NPR3: variants seen among roughly 807,000 people sequenced by gnomAD.
NPR3 encodes the protein natriuretic peptide receptor 3.
A neutral mutation model predicts 54.5 loss-of-function variants in NPR3; 34 were observed. The ratio of observed to expected loss-of-function variants is 0.62; its 90% confidence interval spans 0.47 to 0.83. NPR3 has a LOEUF of 0.83. NPR3 is among the 40% of genes least tolerant of loss of function. The probability of loss-of-function intolerance (pLI) is 0.00; values close to 1 mark genes in which losing one functional copy is unlikely to be tolerated. For missense variants in NPR3, 674 were observed against 720.8 expected (o/e 0.94, Z 0.74); for synonymous variants, 289 against 297.1 (o/e 0.97, Z 0.28).
In NPR3 at chr5:32,789,722, G is replaced by T. The variant is rs774454909; in HGVS notation, c.*3377G>T. ...TAGTTATGGCTGATTTTGGGTGTGT[G>T]TGTGTAAGACATGCAGTCAACAATG... On this transcript the variant is annotated 3_prime_UTR_variant, in exon 8 of 8. Coordinates refer to ENST00000265074, the MANE Select transcript of NPR3 (RefSeq NM_001204375.2). 1.9e-6 allele frequency: 1 copy of T among 534,688 alleles called. No homozygotes were observed. The highest frequency in any genetic ancestry group is 3.8e-6 in the Non-Finnish European group (1 of 260,082). The allele number at this position is 534,688 out of a possible 1,614,324, so 33.1% of individuals were successfully genotyped here.
chr5:32,763,306 A>T (rs897201430), intron 3 of NPR3, among the ~76,000 whole-genome samples: 1 of 151,406 alleles, frequency 6.6e-6, no homozygotes, highest in Non-Finnish European at 1.5e-5. Flanking sequence ...TTTATTTTTT[A>T]TTTATATTTA....
chr5:32,693,666 A>G (rs1348810124), intron 1 of NPR3, among the ~76,000 whole-genome samples: 2 of 152,372 alleles, frequency 1.3e-5, no homozygotes, highest in Non-Finnish European at 2.9e-5. Context: ...GCCACATCAC[A>G]TCCTCAAACA....
intron 1 of NPR3, 48 bp downstream of exon 1, chr5:32,712,593 C>G: frequency 6.7e-7 from 1 of 1,483,860 alleles, no homozygotes; most frequent in Non-Finnish European, 8.9e-7. Context: ...CAACCGCTCT[C>G]CGCGGCTCTC....
intron 5 of NPR3, among the ~76,000 whole-genome samples, chr5:32,781,511 G>A (rs529196003): frequency 6.6e-6 from 1 of 152,328 alleles, no homozygotes; most frequent in East Asian, 1.9e-4. Flanking sequence ...CCTGGCATAT[G>A]GGACTTGCTG....
intron 1 of NPR3, among the ~76,000 whole-genome samples, chr5:32,718,737 G>A (rs1738687255): frequency 6.6e-6 from 1 of 152,198 alleles, no homozygotes; most frequent in Non-Finnish European, 1.5e-5. Flanking sequence ...ATCAGCTTAA[G>A]GAGATTTTGG....
intron 3 of NPR3, among the ~76,000 whole-genome samples, chr5:32,760,196 G>A (rs889493436): frequency 3.3e-5 from 5 of 151,258 alleles, no homozygotes; most frequent in South Asian, 2.1e-4. Context: ...GTTTTTTTGC[G>A]GACCCATGCT....
upstream of NPR3, among the ~76,000 whole-genome samples, chr5:32,707,442 A>G (rs1738025544): frequency 6.6e-6 from 1 of 152,210 alleles, no homozygotes; most frequent in South Asian, 2.1e-4. Flanking sequence ...ATTTTTTGGC[A>G]TCCATTGATT....
At chr5:32,781,561 G>T (rs1742339931) in intron 5 of NPR3, among the ~76,000 whole-genome samples, 1 of 152,160 alleles carries the variant, frequency 6.6e-6, no homozygotes, top group African/African-American at 2.4e-5. Flanking sequence ...CAAAAGTAAT[G>T]TGGCTTTTGC....
chr5:32,776,069 T>C (rs945825802), intron 4 of NPR3, among the ~76,000 whole-genome samples: 2 of 152,230 alleles, frequency 1.3e-5, no homozygotes, highest in African/African-American at 2.4e-5. Flanking sequence ...CTATTAATGA[T>C]TTCCTATGAT....
rs191009082 is a variant in NPR3 at position 32,720,393 on chromosome 5, A to G, written c.770-4305A>G. Among the ~76,000 whole-genome samples the G allele has an allele frequency of 3.9e-3, 596 of 152,306 alleles. 4 individuals are homozygous for G. Among genetic ancestry groups the G allele is most frequent in the African/African-American group, 0.014 (573 of 41,564 alleles). ...GATTTTGGAAATAAGTATCCCCCCAATTCAGGGATACTACCTGGAATGTTT... is the reference window on the plus strand; with the variant it reads ...GATTTTGGAAATAAGTATCCCCCCAGTTCAGGGATACTACCTGGAATGTTT... On this transcript the variant is annotated intron_variant, in intron 1 of 7. Coordinates refer to ENST00000265074, the MANE Select transcript of NPR3 (RefSeq NM_001204375.2).
At chr5:32,744,147 C>G (rs987637400) in intron 3 of NPR3, among the ~76,000 whole-genome samples, 1 of 152,076 alleles carries the variant, frequency 6.6e-6, no homozygotes, top group Admixed American at 6.5e-5. Context: ...CACGTGCCGC[C>G]ACGCCTGGCT....
At chr5:32,713,305 T>G (rs765329744) in intron 1 of NPR3, 3 of 985,398 alleles carry the variant, frequency 3.0e-6, no homozygotes, top group Non-Finnish European at 3.6e-6. Context: ...TCCCCCAAGT[T>G]TTCTCCATGG....
intron 3 of NPR3, among the ~76,000 whole-genome samples, chr5:32,764,719 T>TGGA (rs1328650165): frequency 8.0e-6 from 1 of 125,664 alleles, no homozygotes; most frequent in East Asian, 2.5e-4. Context: ...ACCCAGGAGG[T>TGGA]GGAGGTTGCA....
chr5:32,700,593 G>A (rs958472565), intron 1 of NPR3, among the ~76,000 whole-genome samples: 1 of 150,678 alleles, frequency 6.6e-6, no homozygotes, highest in Non-Finnish European at 1.5e-5. Context: ...TCCTCGCCCT[G>A]TGTCCATGTG....
chr5:32,768,770 C>T (rs1741603179), intron 3 of NPR3, among the ~76,000 whole-genome samples: 2 of 152,210 alleles, frequency 1.3e-5, no homozygotes, highest in African/African-American at 2.4e-5. Context: ...GCATTGCTAC[C>T]AGTTCAGAGC....
chr5:32,780,890 G>T (rs969417379), intron 5 of NPR3, 74 bp downstream of exon 5: 9 of 717,626 alleles, frequency 1.3e-5, no homozygotes, highest in African/African-American at 1.3e-4. Flanking sequence ...TTGTTCTGGT[G>T]GCCAAAGAGC....
At chr5:32,701,971 C>T (rs1353112559) in intron 1 of NPR3, among the ~76,000 whole-genome samples, 1 of 152,188 alleles carries the variant, frequency 6.6e-6, no homozygotes, top group East Asian at 1.9e-4. Context: ...TGTGCTGGGT[C>T]AGATCTGAAG....
upstream of NPR3, chr5:32,711,244 G>T: frequency 5.4e-6 from 2 of 373,824 alleles, no homozygotes; most frequent in Non-Finnish European, 6.5e-6. Flanking sequence ...ACACAAGCCC[G>T]GCCTCGGCGC....
chr5:32,714,493 G>A (rs1031419074), intron 1 of NPR3, among the ~76,000 whole-genome samples: 17 of 147,472 alleles, frequency 1.2e-4, no homozygotes, highest in Admixed American at 6.2e-4. Flanking sequence ...TAGACGTTCC[G>A]AAGTCTCTTT....
Sources: gnomAD v4.1 joint callset for allele counts (sites outside exome capture counted in the v4.1 genomes callset) on GRCh38, gnomAD v4.1.1 for gene constraint, MANE v1.5 for transcripts, NCBI Gene and HGNC (gene_info 2026-07-23, HGNC 2026-07-21) for gene names.